DMD: variants seen among roughly 807,000 people sequenced by gnomAD.
The protein encoded by DMD is mutant dystrophin.
DMD carries 63 observed loss-of-function variants against 330.1 expected under a neutral mutation model. The ratio of observed to expected loss-of-function variants is 0.19; its 90% CI spans 0.16 to 0.24. DMD has a LOEUF of 0.24. DMD is among the 10% of genes least tolerant of loss of function. DMD has a pLI of 1.00. For synonymous variants in DMD, 1,223 were observed against 959.8 expected, an observed-to-expected ratio of 1.27 and a Z score of -5.07; for missense variants, 3,344 against 2,684.1, an observed-to-expected ratio of 1.25 and a Z score of -5.43.
chrX:31,397,619 A>G (rs1167957438), intron 60 of DMD, among the ~76,000 whole-genome samples: 1 of 112,503 alleles, frequency 8.9e-6, no homozygotes, highest in African/African-American at 3.2e-5. Flanking sequence ...CTTAGGCAAA[A>G]TGCAAATGTG....
At chrX:31,574,674 C>T (rs1382282586) in intron 55 of DMD, among the ~76,000 whole-genome samples, 1 of 111,219 alleles carries the variant, frequency 9.0e-6, no homozygotes, top group African/African-American at 3.3e-5. Context: ...AGTTTAACAA[C>T]TCTACTTTTT....
At chrX:31,369,759 C>G (rs1326963110) in intron 60 of DMD, among the ~76,000 whole-genome samples, 1 of 111,149 alleles carries the variant, frequency 9.0e-6, no homozygotes, top group Non-Finnish European at 1.9e-5. Flanking sequence ...AATAATCAAG[C>G]CAGCCATTTC....
intron 29 of DMD, among the ~76,000 whole-genome samples, chrX:32,418,254 C>T (rs777803778): frequency 9.0e-5 from 10 of 111,020 alleles, no homozygotes; most frequent in African/African-American, 2.3e-4. Flanking sequence ...ACACAGTCCA[C>T]GAATTCAGCA....
At chrX:33,259,595 T>TCC (rs1401918338) in intron 1 of DMD, among the ~76,000 whole-genome samples, 10 of 44,951 alleles carry the variant, frequency 2.2e-4, no homozygotes, top group Admixed American at 5.7e-4. Flanking sequence ...TATTTCAAAA[T>TCC]CGCCCCCCCC....
intron 9 of DMD, among the ~76,000 whole-genome samples, chrX:32,651,357 G>T (rs1393329745): frequency 9.0e-6 from 1 of 110,644 alleles, no homozygotes; most frequent in Non-Finnish European, 1.9e-5. Flanking sequence ...TGGCCAGGCT[G>T]GTCTCAAACT....
At chrX:32,751,827 C>A (rs2070858896) in intron 7 of DMD, among the ~76,000 whole-genome samples, 1 of 112,386 alleles carries the variant, frequency 8.9e-6, no homozygotes, top group African/African-American at 3.2e-5. Context: ...GCCCTGTGTC[C>A]CAGCCACTCC....
At chrX:32,540,461 C>A (rs1361941860) in intron 17 of DMD, among the ~76,000 whole-genome samples, 2 of 111,308 alleles carry the variant, frequency 1.8e-5, no homozygotes, top group Non-Finnish European at 3.8e-5. Flanking sequence ...AATAAGGATA[C>A]CCTAATGGGT....
At chrX:31,417,616 T>A (rs1334841972) in intron 60 of DMD, among the ~76,000 whole-genome samples, 2 of 111,752 alleles carry the variant, frequency 1.8e-5, no homozygotes, top group Non-Finnish European at 3.8e-5. Flanking sequence ...ACGTAAATAA[T>A]ATGTGGCATA....
intron 16 of DMD, among the ~76,000 whole-genome samples, chrX:32,549,249 C>G (rs2049280894): frequency 9.0e-6 from 1 of 111,202 alleles, no homozygotes; most frequent in African/African-American, 3.3e-5. Context: ...CTGGTTGGTT[C>G]TTATCTCAAA....
intron 34 of DMD, among the ~76,000 whole-genome samples, chrX:32,379,304 A>G (rs1033770847): frequency 1.3e-4 from 14 of 110,169 alleles, no homozygotes; most frequent in East Asian, 5.7e-4. Flanking sequence ...AATTCTCCAG[A>G]CTATTCAAGC....
At chrX:31,374,389 A>G (rs2059771300) in intron 60 of DMD, among the ~76,000 whole-genome samples, 1 of 109,313 alleles carries the variant, frequency 9.1e-6, no homozygotes. Context: ...TTATTGTGGC[A>G]CTATTCACAA....
chrX:32,110,724 C>T (rs1241218980), intron 44 of DMD, among the ~76,000 whole-genome samples: 1 of 111,843 alleles, frequency 8.9e-6, no homozygotes, highest in Non-Finnish European at 1.9e-5. Context: ...GATGTAGTCA[C>T]AAGAAGGACA....
chrX:32,448,345 G>A, intron 27 of DMD, 111 bp downstream of exon 27: 1 of 862,525 alleles, frequency 1.2e-6, no homozygotes, highest in Non-Finnish European at 1.7e-6. Flanking sequence ...GCCTGAATGA[G>A]GAATTCAAGC....
intron 1 of DMD, among the ~76,000 whole-genome samples, chrX:33,085,071 A>G (rs2148270323): frequency 9.0e-6 from 1 of 111,605 alleles, no homozygotes; most frequent in South Asian, 3.7e-4. Context: ...GGGAAGCTTT[A>G]TGGTATTATG....
chrX:31,580,650 A>G (rs1480473712), intron 55 of DMD, among the ~76,000 whole-genome samples: 1 of 112,272 alleles, frequency 8.9e-6, no homozygotes, highest in Non-Finnish European at 1.9e-5. Context: ...GTAAACTATT[A>G]AAACAAAACA....
At chrX:32,635,002 C>A (rs964332169) in intron 11 of DMD, among the ~76,000 whole-genome samples, 1 of 111,957 alleles carries the variant, frequency 8.9e-6, no homozygotes, top group African/African-American at 3.2e-5. Context: ...ACAAGGCTTG[C>A]CGGAACTCAG....
At position 32,501,849 on chromosome X, in the gene DMD, C is replaced by A; in HGVS notation, c.2293-7G>T. 1 of 1,177,257 alleles carries A rather than the reference C, an allele frequency of 8.5e-7. No individual in the cohort carries two copies. Among genetic ancestry groups the A allele is most frequent in the Non-Finnish European group, 1.2e-6 (1 of 867,395 alleles). Reference sequence around the variant, plus strand: ...CTTTTTCTCGCTCTATGGCCTGCAGCATGAGAGCAAAGATGAGTAATTCAA... The same window carrying A: ...CTTTTTCTCGCTCTATGGCCTGCAGAATGAGAGCAAAGATGAGTAATTCAA... On this transcript the variant is annotated splice_polypyrimidine_tract_variant and splice_region_variant and intron_variant, in intron 18 of 78. Coordinates refer to ENST00000357033, the MANE Select transcript of DMD (RefSeq NM_004006.3).
intron 2 of DMD, among the ~76,000 whole-genome samples, chrX:32,932,665 C>G (rs1197972224): frequency 1.8e-5 from 2 of 111,724 alleles, no homozygotes; most frequent in African/African-American, 6.5e-5. Flanking sequence ...TGGCAATGAG[C>G]TTTGGCAAAT....
intron 17 of DMD, among the ~76,000 whole-genome samples, chrX:32,522,627 T>C (rs749288209): frequency 2.7e-5 from 3 of 112,431 alleles, no homozygotes; most frequent in Non-Finnish European, 5.6e-5. Flanking sequence ...AATTTCAACA[T>C]GATCCTTTAT....
Sources: gnomAD v4.1 joint callset for allele counts (sites outside exome capture counted in the v4.1 genomes callset) on GRCh38, gnomAD v4.1.1 for gene constraint, MANE v1.5 for transcripts, NCBI Gene and HGNC (gene_info 2026-07-23, HGNC 2026-07-21) for gene names.